Variants in PCDH15 observed in about 807,000 individuals in gnomAD.
PCDH15 encodes the protein protocadherin-15.
PCDH15 carries 129 observed loss-of-function variants against 178.5 expected under a neutral mutation model. The observed-to-expected ratio is 0.72, with a 90% CI of 0.63 to 0.84. The LOEUF (loss-of-function observed/expected upper bound fraction) is 0.84. PCDH15 is among the 40% of genes least tolerant of loss of function. PCDH15 has a pLI of 0.00. For synonymous variants in PCDH15, 800 were observed against 732.0 expected (o/e 1.09, Z -1.50); for missense variants, 2,230 against 2,099.9 (o/e 1.06, Z -1.21).
At chr10:54,852,855 A>AAAATAAAAT (rs1554806693) in intron 3 of PCDH15, among the ~76,000 whole-genome samples, 4,333 of 147,318 alleles carry the variant, frequency 0.029, 188 homozygotes, top group African/African-American at 0.1. Flanking sequence ...TCTGTCTCAA[A>AAAATAAAAT]AAAATAAAAT....
chr10:54,633,755 G>A (rs1005138025), intron 2 of PCDH15, among the ~76,000 whole-genome samples: 4 of 152,098 alleles, frequency 2.6e-5, no homozygotes, highest in Admixed American at 1.3e-4. Flanking sequence ...GTATCTACCT[G>A]TAAATCAATT....
In PCDH15 at chr10:54,637,757, G is replaced by T. The variant is rs151300228; in HGVS notation, c.91+26415C>A. 1.8e-3 allele frequency among the ~76,000 whole-genome samples: 274 copies of T among 152,110 alleles called. 1 individual carries two copies. Among genetic ancestry groups the T allele is most frequent in the African/African-American group, 6.1e-3 (255 of 41,538 alleles). On this transcript the variant is annotated intron_variant, in intron 2 of 37. Coordinates refer to ENST00000644397, the MANE Select transcript of PCDH15 (RefSeq NM_001384140.1). ...ATTAGGACATAGAAATAATTGGGGAGTTATTATTCTGTTTATCCCAAGGGG... is the reference window on the plus strand; with the variant it reads ...ATTAGGACATAGAAATAATTGGGGATTTATTATTCTGTTTATCCCAAGGGG...
In PCDH15 at chr10:54,064,153, C is replaced by A. The variant is rs372564243; in HGVS notation, c.2220+2604G>T. The stretch of plus-strand genomic sequence containing the variant: ...GAAGTGTGTAGCTCCTATCCATAGG[C>A]AGGTTATCCCCATAAGTGTCCAGCT... On this transcript the variant is annotated intron_variant, in intron 18 of 37. Transcript: ENST00000644397. Among the ~76,000 whole-genome samples, 5 of 152,170 alleles carry A rather than the reference C, an allele frequency of 3.3e-5. No homozygotes were observed. The South Asian group carries it at 1.0e-3, about 32-fold the overall frequency.
In PCDH15 at chr10:54,664,209, G is replaced by C; in HGVS notation, c.54C>G (p.Gly18=). Residue 18 remains glycine, a synonymous_variant, in exon 2 of 38, where the codon GGC becomes GGG. Transcript: ENST00000644397. ...GGCCCAAGCAGATTTCAAAGAGAGA[G>C]CCCAGGATGATCCCTGAAGCTAAAC... The part of the protein sequence containing the change: ...WTCLASGIIL[G]SLFEICLGQY... 6.2e-7 allele frequency: 1 copy of C among 1,612,160 alleles called. No homozygotes were observed. The highest frequency in any genetic ancestry group is 8.5e-7 in the Non-Finnish European group (1 of 1,178,840).
chr10:54,772,493 G>A (rs527705510), intron 1 of PCDH15, among the ~76,000 whole-genome samples: 6 of 151,966 alleles, frequency 3.9e-5, no homozygotes, highest in East Asian at 1.9e-4. Context: ...ACATACATGC[G>A]TCCAACAAAC....
chr10:54,837,239 C>G (rs1953332610), intron 3 of PCDH15, among the ~76,000 whole-genome samples: 1 of 151,964 alleles, frequency 6.6e-6, no homozygotes, highest in African/African-American at 2.4e-5. Context: ...TGAAATAATA[C>G]TCTAAATATG....
At chr10:55,319,394 A>T (rs1025725841) in intron 1 of PCDH15, among the ~76,000 whole-genome samples, 3 of 152,326 alleles carry the variant, frequency 2.0e-5, no homozygotes, top group Admixed American at 1.3e-4. Flanking sequence ...GCAAAATTAA[A>T]CAAATATAAA....
chr10:53,815,487 T>C (rs2076028811), intron 35 of PCDH15, among the ~76,000 whole-genome samples: 1 of 152,132 alleles, frequency 6.6e-6, no homozygotes, highest in Non-Finnish European at 1.5e-5. Flanking sequence ...GCCCTCTCCA[T>C]GGAAATTTTT....
At chr10:54,885,329 GA>G (rs1325157352) in intron 3 of PCDH15, among the ~76,000 whole-genome samples, 1 of 149,730 alleles carries the variant, frequency 6.7e-6, no homozygotes, top group Non-Finnish European at 1.5e-5. Flanking sequence ...GAGGTCATTT[GA>G]AAAAAAAATA....
chr10:55,365,067 G>A (rs1365736264), intron 2 of PCDH15, among the ~76,000 whole-genome samples: 1 of 151,970 alleles, frequency 6.6e-6, no homozygotes, highest in Non-Finnish European at 1.5e-5. Flanking sequence ...TTCCTTTAAA[G>A]TTATGGTCCA....
intron 2 of PCDH15, among the ~76,000 whole-genome samples, chr10:55,617,242 C>G (rs554861327): frequency 1.3e-5 from 2 of 152,088 alleles, no homozygotes; most frequent in South Asian, 4.2e-4. Flanking sequence ...TGTGGGAGAG[C>G]AGAGAGATTT....
At chr10:54,470,493 T>C (rs577602744) in intron 3 of PCDH15, among the ~76,000 whole-genome samples, 1 of 152,188 alleles carries the variant, frequency 6.6e-6, no homozygotes, top group South Asian at 2.1e-4. Context: ...GCTCTCAAAA[T>C]AGCACTCTGC....
intron 2 of PCDH15, among the ~76,000 whole-genome samples, chr10:55,522,814 C>T (rs1249751902): frequency 1.3e-5 from 2 of 151,158 alleles, no homozygotes; most frequent in Non-Finnish European, 3.0e-5. Flanking sequence ...CATTAAATTA[C>T]TGTTAGGTAA....
intron 13 of PCDH15, among the ~76,000 whole-genome samples, chr10:54,174,161 A>G (rs2047184017): frequency 1.3e-5 from 2 of 152,342 alleles, no homozygotes; most frequent in South Asian, 4.1e-4. Flanking sequence ...TGAATGAAGA[A>G]GAGGGAAAGA....
At chr10:54,189,081 C>G (rs563306355) in intron 11 of PCDH15, among the ~76,000 whole-genome samples, 93 of 152,056 alleles carry the variant, frequency 6.1e-4, no homozygotes, top group South Asian at 2.7e-3. Flanking sequence ...AATAATTAAG[C>G]AGTCTTTGCC....
At chr10:54,330,823 A>C (rs1939365582) in intron 6 of PCDH15, among the ~76,000 whole-genome samples, 1 of 151,972 alleles carries the variant, frequency 6.6e-6, no homozygotes, top group Non-Finnish European at 1.5e-5. Context: ...AAGAATGATA[A>C]AATTGTTTCT....
chr10:54,931,819 G>A (rs915920276), intron 2 of PCDH15, among the ~76,000 whole-genome samples: 4 of 152,104 alleles, frequency 2.6e-5, no homozygotes, highest in Admixed American at 2.6e-4. Context: ...AGCATTTCAT[G>A]TCTTTTGTTT....
At chr10:53,994,760 T>C (rs577555935) in intron 21 of PCDH15, 1 of 152,210 alleles carries the variant, frequency 6.6e-6, no homozygotes, top group East Asian at 1.9e-4. Context: ...ATAGTCACAA[T>C]AGAGTTTATA....
At chr10:55,491,847 C>T (rs543941316) in intron 2 of PCDH15, among the ~76,000 whole-genome samples, 1 of 151,626 alleles carries the variant, frequency 6.6e-6, no homozygotes, top group South Asian at 2.1e-4. Context: ...GAATAGGTCT[C>T]CTGCAATCCC....
Sources: gnomAD v4.1 joint callset for allele counts (sites outside exome capture counted in the v4.1 genomes callset) on GRCh38, gnomAD v4.1.1 for gene constraint, MANE v1.5 for transcripts, NCBI Gene and HGNC (gene_info 2026-07-23, HGNC 2026-07-21) for gene names.